DNAH9: variants seen among roughly 807,000 people sequenced by gnomAD.
The protein encoded by DNAH9 is DNAH9 variant protein.
Under a neutral mutation model 471.6 loss-of-function variants are expected in DNAH9, and 345 were observed. That is an observed-to-expected ratio of 0.73 (90% CI 0.67 to 0.80). The LOEUF is 0.80. DNAH9 is among the 30% of genes least tolerant of loss of function. The pLI is 0.00. For missense variants in DNAH9, 5,407 were observed against 5,609.2 expected (o/e 0.96, Z 1.15); for synonymous variants, 2,093 against 2,123.6 (o/e 0.99, Z 0.40).
At chr17:11,704,693 C>A (rs1282363898) in intron 25 of DNAH9, among the ~76,000 whole-genome samples, 1 of 151,836 alleles carries the variant, frequency 6.6e-6, no homozygotes, top group African/African-American at 2.4e-5. Context: ...AAGTGATTCT[C>A]CTGCCTCAGC....
At chr17:11,665,455 G>A (rs1177988701) in intron 15 of DNAH9, among the ~76,000 whole-genome samples, 2 of 152,214 alleles carry the variant, frequency 1.3e-5, no homozygotes, top group African/African-American at 4.8e-5. Flanking sequence ...GAGTGAAAGA[G>A]TCACACAAGA....
intron 15 of DNAH9, among the ~76,000 whole-genome samples, chr17:11,667,921 G>A (rs1018496699): frequency 6.6e-6 from 1 of 152,182 alleles, no homozygotes; most frequent in Non-Finnish European, 1.5e-5. Context: ...TATTTCAAGG[G>A]AAGAAGACAA....
rs559485759 is a variant in DNAH9 at position 11,817,312 on chromosome 17, G to A, written c.8708-4608G>A. Among the ~76,000 whole-genome samples, 223 of 152,276 alleles carry A rather than the reference G, an allele frequency of 1.5e-3. 2 individuals carry two copies. The highest frequency in any genetic ancestry group is 5.1e-3 in the African/African-American group (213 of 41,540). ...TTTATCTCCAGATATTCCATCCGAT[G>A]GTCTTCTTCTTAAAGGTTCTAGGGA... On this transcript the variant is annotated intron_variant, in intron 45 of 68. Transcript: ENST00000262442.
intron 28 of DNAH9, among the ~76,000 whole-genome samples, chr17:11,735,677 C>T (rs1460351884): frequency 6.6e-6 from 1 of 152,114 alleles, no homozygotes; most frequent in East Asian, 1.9e-4. Flanking sequence ...CCTCGTGATC[C>T]GCCCGCCTCG....
intron 61 of DNAH9, among the ~76,000 whole-genome samples, chr17:11,918,400 T>G (rs1974026812): frequency 6.6e-6 from 1 of 151,992 alleles, no homozygotes; most frequent in South Asian, 2.1e-4. Context: ...CCGGCTAATT[T>G]TTTGTATTTT....
At chr17:11,737,695 T>C (rs981189936) in intron 28 of DNAH9, among the ~76,000 whole-genome samples, 2 of 152,178 alleles carry the variant, frequency 1.3e-5, no homozygotes, top group Non-Finnish European at 2.9e-5. Context: ...TATATCTGAC[T>C]GGGCCAAGCT....
Position 11,789,324 on chromosome 17 carries a change from G to A in DNAH9, c.8062-4179G>A, listed in dbSNP as rs1018388845. 2.0e-5 allele frequency among the ~76,000 whole-genome samples: 3 copies of A among 151,990 alleles called. No individual in the cohort carries two copies. In the East Asian group the frequency reaches 5.8e-4, roughly 29 times the overall value. ...GAAGAATTTACTGGTGAAACCACCT[G>A]GAGGTTTGTTTGGTAGAGGTTTTAA... On this transcript the variant is annotated intron_variant, in intron 41 of 68. Transcript: ENST00000262442.
intron 31 of DNAH9, among the ~76,000 whole-genome samples, chr17:11,747,031 A>ACT (rs1185918449): frequency 7.2e-5 from 11 of 152,226 alleles, no homozygotes; most frequent in African/African-American, 2.4e-4. Flanking sequence ...GGAAGTCAGT[A>ACT]GTCTCCCAGA....
intron 4 of DNAH9, 185 bp downstream of exon 4, chr17:11,611,965 G>A: frequency 1.6e-6 from 1 of 639,410 alleles, no homozygotes; most frequent in Non-Finnish European, 2.8e-6. Context: ...GAGCTATGCT[G>A]TTTGCAGTTC....
intron 50 of DNAH9, among the ~76,000 whole-genome samples, chr17:11,866,346 G>A (rs1209363445): frequency 2.6e-5 from 4 of 152,138 alleles, no homozygotes; most frequent in Non-Finnish European, 4.4e-5. Context: ...TTCTTGAACC[G>A]CGAATGCTGC....
chr17:11,798,137 T>TA (rs1421568250), intron 43 of DNAH9, among the ~76,000 whole-genome samples: 1 of 151,798 alleles, frequency 6.6e-6, no homozygotes, highest in Non-Finnish European at 1.5e-5. Flanking sequence ...AAGGGCCATT[T>TA]AAAAAAATGA....
rs1365527805 is a variant in DNAH9 at position 11,898,270 on chromosome 17, G to A, written c.11406+3774G>A. ...CTCCCAAGTAGCTGGGATTACCGGCGTGCGCCACCACACCCAGAAAATTTT... is the reference window on the plus strand; with the variant it reads ...CTCCCAAGTAGCTGGGATTACCGGCATGCGCCACCACACCCAGAAAATTTT... On this transcript the variant is annotated intron_variant, in intron 59 of 68. Transcript: ENST00000262442. Among the ~76,000 whole-genome samples the A allele has an allele frequency of 3.9e-5, 6 of 152,126 alleles. 1 individual carries two copies. In the South Asian group the frequency reaches 6.2e-4, roughly 16 times the overall value.
intron 30 of DNAH9, among the ~76,000 whole-genome samples, chr17:11,744,203 C>T (rs995293965): frequency 7.9e-5 from 12 of 152,094 alleles, no homozygotes; most frequent in South Asian, 4.1e-4. Context: ...TGGGCTTCAA[C>T]AGAAGTCTGT....
At position 11,768,549 on chromosome 17, in the gene DNAH9, G is replaced by A. The variant is rs757516746; in HGVS notation, c.7267G>A (p.Asp2423Asn). 24 of 1,613,902 alleles carry A rather than the reference G, an allele frequency of 1.5e-5. No homozygotes were observed. The highest frequency in any genetic ancestry group is 1.0e-4 in the Admixed American group (6 of 60,000). ...AGGAACCATCTTTGACTATTACATC[G>A]ACCCAGAGACCAAGAAATTCGAGCC... ...SQGTIFDYYI[D>N]PETKKFEPWS... The change falls in exon 37 of 69, where the codon GAC becomes AAC. Residue 2423 changes from aspartate to asparagine, a missense_variant. Asp to Asn is a conservative substitution (Grantham distance 23, BLOSUM62 1). Around this residue, in one of 3 missense-constraint regions of DNAH9, gnomAD observed 4,636 missense variants for 4,900.3 expected, o/e 0.95. Transcript: ENST00000262442.
intron 50 of DNAH9, among the ~76,000 whole-genome samples, chr17:11,866,383 T>C (rs1469168475): frequency 3.9e-5 from 6 of 152,158 alleles, no homozygotes; most frequent in Admixed American, 3.9e-4. Flanking sequence ...TGGAAGTTTT[T>C]TCTCAGAGGA....
chr17:11,766,302 A>AC (rs1555586000), intron 36 of DNAH9, among the ~76,000 whole-genome samples: 2 of 139,334 alleles, frequency 1.4e-5, no homozygotes, highest in African/African-American at 5.6e-5. Flanking sequence ...AGAAGTTCCC[A>AC]TTTAAAAAAA....
chr17:11,681,683 A>G (rs183401101), intron 19 of DNAH9, among the ~76,000 whole-genome samples: 215 of 152,332 alleles, frequency 1.4e-3, no homozygotes, highest in South Asian at 4.1e-3. Flanking sequence ...ACAGACTTCA[A>G]AATCTCCAAA....
In DNAH9 at chr17:11,763,619, G is replaced by A; in HGVS notation, c.7170+5G>A. 6.2e-7 allele frequency: 1 copy of A among 1,613,594 alleles called. No homozygotes were observed. Among genetic ancestry groups the A allele is most frequent in the South Asian group, 1.1e-5 (1 of 90,994 alleles). ...GGAGCAATGGTCCAAGATCAGGTAA[G>A]GAGATATGTTGAGCTCAACAACCAC... On this transcript the variant is annotated splice_donor_5th_base_variant and intron_variant, in intron 36 of 68. Coordinates refer to ENST00000262442, the MANE Select transcript of DNAH9 (RefSeq NM_001372.4).
chr17:11,730,334 C>A (rs747619341), intron 28 of DNAH9, among the ~76,000 whole-genome samples: 1 of 152,078 alleles, frequency 6.6e-6, no homozygotes, highest in African/African-American at 2.4e-5. Context: ...AAATCAAGGG[C>A]GTTTTTGCTC....
Sources: gnomAD v4.1 joint callset for allele counts (sites outside exome capture counted in the v4.1 genomes callset) on GRCh38, gnomAD v4.1.1 for gene constraint, gnomAD v4.1.1 regional missense constraint, MANE v1.5 for transcripts, NCBI Gene and HGNC (gene_info 2026-07-23, HGNC 2026-07-21) for gene names.